The following RFX6 variants were observed in gnomAD, a reference collection of about 807,000 sequenced individuals.
RFX6 encodes the protein DNA-binding protein RFX6.
A neutral mutation model predicts 110.8 loss-of-function variants in RFX6; 50 were observed. The observed-to-expected ratio is 0.45, with a 90% CI of 0.36 to 0.57. RFX6 has a LOEUF of 0.57. RFX6 is among the 20% of genes least tolerant of loss of function. The pLI, the probability that RFX6 is intolerant of heterozygous loss-of-function variation, is 0.00. For missense variants in RFX6, 990 were observed against 1,127.0 expected (o/e 0.88, Z 1.74); for synonymous variants, 383 against 411.2 (o/e 0.93, Z 0.83).
chr6:116,898,412 C>T (rs753606649), intron 6 of RFX6, among the ~76,000 whole-genome samples: 3 of 152,126 alleles, frequency 2.0e-5, no homozygotes, highest in Non-Finnish European at 2.9e-5. Context: ...TCACTGCAGC[C>T]TCAACCTCCT....
intron 2 of RFX6, among the ~76,000 whole-genome samples, chr6:116,878,818 A>G (rs1055371010): frequency 4.6e-5 from 7 of 151,756 alleles, no homozygotes; most frequent in African/African-American, 1.7e-4. Context: ...AGAACTAGTA[A>G]ATTTTATTTT....
Position 116,877,928 on chromosome 6 carries a change from A to T in RFX6, c.356A>T (p.Lys119Met). 1 of 1,614,200 alleles carries T rather than the reference A, an allele frequency of 6.2e-7. No individual in the cohort carries two copies. The highest frequency in any genetic ancestry group is 8.5e-7 in the Non-Finnish European group (1 of 1,180,034). Residue 119 changes from lysine to methionine, a missense_variant, in exon 2 of 19, where the codon AAG becomes ATG. This residue lies in a region of RFX6 where 175 missense variants were observed against 162.3 expected (regional missense o/e 1.08). Transcript: ENST00000332958. The stretch of plus-strand genomic sequence containing the variant: ...ACGCAGATTGTGAAGGATAAAAAGA[A>T]GCAGACACAGCTCACGCTGCAGTGG... ...TITQIVKDKK[K>M]QTQLTLQWLE...
chr6:116,885,864 A>G lies in RFX6; in HGVS notation c.566+3436A>G, dbSNP rs898997155. On this transcript the variant is annotated intron_variant, in intron 4 of 18. Coordinates refer to ENST00000332958, the MANE Select transcript of RFX6 (RefSeq NM_173560.4). ...TGTTTTATATTAACAGCAAATTTGT[A>G]GCACAATTTTATTTTCTGCCTTTTA... is the stretch of plus-strand genomic sequence containing the variant. Among the ~76,000 whole-genome samples, 6 of 152,250 alleles carry G rather than the reference A, an allele frequency of 3.9e-5. No homozygotes were observed. The South Asian group carries it at 1.0e-3, about 26-fold the overall frequency.
intron 3 of RFX6, 117 bp downstream of exon 3, chr6:116,880,784 A>G: frequency 8.6e-7 from 1 of 1,163,918 alleles, no homozygotes; most frequent in Non-Finnish European, 1.3e-6. Context: ...TTTGTTTTGC[A>G]GGCATAAATT....
chr6:116,895,673 C>CACACAT (rs1445118334), intron 6 of RFX6, among the ~76,000 whole-genome samples: 2 of 151,928 alleles, frequency 1.3e-5, no homozygotes, highest in African/African-American at 4.8e-5. Context: ...CACACACACA[C>CACACAT]ACACGTATAC....
intron 13 of RFX6, 122 bp downstream of exon 13, chr6:116,922,273 C>T (rs1775617751): frequency 1.4e-6 from 1 of 697,056 alleles, no homozygotes; most frequent in South Asian, 1.5e-5. Context: ...CTTTGAAAAG[C>T]TTTTGATGCT....
intron 4 of RFX6, among the ~76,000 whole-genome samples, chr6:116,885,720 G>T (rs538349267): frequency 1.3e-5 from 2 of 151,414 alleles, no homozygotes; most frequent in South Asian, 2.1e-4. Context: ...GTTTTATTAA[G>T]TTTTTTTTTA....
In RFX6 at chr6:116,910,996, C is replaced by G; in HGVS notation, c.734C>G (p.Pro245Arg). Reference protein sequence around the residue: ...SKTGTLLPEFPSAQHLVYQGC... With the variant: ...SKTGTLLPEFRSAQHLVYQGC... ...ACTGGAACACTTCTTCCAGAATTCC[C>G]CAGCGCTCAACACCTTGTATACCAA... The change falls in exon 7 of 19, where the codon CCC becomes CGC. Residue 245 changes from proline (P) to arginine (R), a missense_variant. By Grantham distance (103) the Pro-to-Arg change is moderately radical. Around this residue, in one of 5 missense-constraint regions of RFX6, gnomAD observed 243 missense variants for 353.1 expected, o/e 0.69. Transcript: ENST00000332958. 1 of 1,613,540 alleles carries G rather than the reference C, an allele frequency of 6.2e-7. No homozygotes were observed. The highest frequency in any genetic ancestry group is 8.5e-7 in the Non-Finnish European group (1 of 1,179,624).
chr6:116,900,406 C>T lies in RFX6; in HGVS notation c.672+5199C>T, dbSNP rs566183709. On this transcript the variant is annotated intron_variant, in intron 6 of 18. Coordinates refer to ENST00000332958, the MANE Select transcript of RFX6 (RefSeq NM_173560.4). Reference sequence around the variant, plus strand: ...AGTAGCTGGGATTACAGGCGTGCGCCGCCACACCTGGCTAATTTTTGTGTT... The same window carrying T: ...AGTAGCTGGGATTACAGGCGTGCGCTGCCACACCTGGCTAATTTTTGTGTT... Among the ~76,000 whole-genome samples, 21 of 152,096 alleles carry T rather than the reference C, an allele frequency of 1.4e-4. No individual in the cohort carries two copies. In the South Asian group the frequency reaches 2.9e-3, roughly 21 times the overall value.
In RFX6 at chr6:116,919,285, C is replaced by T. The variant is rs1414121354; in HGVS notation, c.1171C>T (p.His391Tyr). The stretch of plus-strand genomic sequence containing the variant: ...TCTGAAACGACAAACATCTTTCTTA[C>T]ATCTTGCCCAGGTATGTTGGTTGCT... ...SSLKRQTSFL[H>Y]LAQIARPALF... Residue 391 changes from histidine (H) to tyrosine (Y), a missense_variant, in exon 11 of 19, where the codon CAT (histidine) becomes TAT (tyrosine). His to Tyr is a moderately conservative substitution (Grantham distance 83). Coordinates refer to ENST00000332958, the MANE Select transcript of RFX6 (RefSeq NM_173560.4). 3.1e-6 allele frequency: 5 copies of T among 1,613,230 alleles called. No homozygotes were observed. Among genetic ancestry groups the T allele is most frequent in the Non-Finnish European group, 4.2e-6 (5 of 1,179,332 alleles).
At chr6:116,916,407 T>C in intron 9 of RFX6, 93 bp downstream of exon 9, 1 of 839,718 alleles carries the variant, frequency 1.2e-6, no homozygotes, top group Non-Finnish European at 2.0e-6. Context: ...GTAAATATGT[T>C]ATTTATGGCT....
At chr6:116,908,289 A>C (rs1254760910) in intron 6 of RFX6, among the ~76,000 whole-genome samples, 2 of 152,086 alleles carry the variant, frequency 1.3e-5, no homozygotes, top group Non-Finnish European at 2.9e-5. Flanking sequence ...ACTTGCCATA[A>C]TATTTTCCAG....
intron 6 of RFX6, among the ~76,000 whole-genome samples, chr6:116,905,794 C>T (rs766162525): frequency 4.6e-5 from 7 of 152,076 alleles, no homozygotes; most frequent in Non-Finnish European, 8.8e-5. Context: ...TCATGATCCA[C>T]CCACCTCAGC....
intron 12 of RFX6, 24 bp from the exon 13 acceptor site, chr6:116,922,018 C>CTTTTTTTTTTTTTTTT (rs77230084): frequency 5.7e-6 from 5 of 883,820 alleles, no homozygotes; most frequent in African/African-American, 3.6e-5. Flanking sequence ...TCTTTTCTTT[C>CTTTTTTTTTTTTTTTT]TTTTTTTTTT....
At chr6:116,882,767 T>G (rs1054310219) in intron 4 of RFX6, among the ~76,000 whole-genome samples, 2 of 152,066 alleles carry the variant, frequency 1.3e-5, no homozygotes, top group Admixed American at 6.6e-5. Flanking sequence ...GTAAAGAGCT[T>G]TGAGTAGGAA....
chr6:116,877,744 T>C, intron 1 of RFX6, 52 bp from the exon 2 acceptor site: 1 of 1,586,726 alleles, frequency 6.3e-7, no homozygotes, highest in Non-Finnish European at 8.6e-7. Flanking sequence ...AAAGGCGACT[T>C]AGTTGATTTT....
chr6:116,883,121 T>G (rs1049390666), intron 4 of RFX6, among the ~76,000 whole-genome samples: 6 of 152,124 alleles, frequency 3.9e-5, no homozygotes, highest in Admixed American at 2.0e-4. Context: ...GTTCCAACCT[T>G]CATGATTGCT....
chr6:116,894,314 C>CAG (rs1774894307), intron 5 of RFX6, among the ~76,000 whole-genome samples: 1 of 152,072 alleles, frequency 6.6e-6, no homozygotes, highest in South Asian at 2.1e-4. Context: ...ATCAAGGAAG[C>CAG]AGAATTGCTT....
In RFX6 at chr6:116,924,850, A is replaced by G. The variant is rs77987927; in HGVS notation, c.1678+59A>G. ...TCTTTGTTTTAATCTTAAGTTCAAG[A>G]ATTTATAAGTTCAGATATTAAGTGG... On this transcript the variant is annotated intron_variant, in intron 15 of 18. Transcript: ENST00000332958. 2.7e-3 allele frequency: 3,383 copies of G among 1,255,870 alleles called. 66 individuals are homozygous for G. In the African/African-American group the frequency reaches 0.044, roughly 16 times the overall value. 77.8% of individuals were successfully genotyped at this position (1,255,870 alleles called of 1,614,324 possible).
Sources: gnomAD v4.1 joint callset for allele counts (sites outside exome capture counted in the v4.1 genomes callset) on GRCh38, gnomAD v4.1.1 for gene constraint, gnomAD v4.1.1 regional missense constraint, MANE v1.5 for transcripts, NCBI Gene and HGNC (gene_info 2026-07-23, HGNC 2026-07-21) for gene names.